MAP7: variants seen among roughly 807,000 people sequenced by gnomAD.
MAP7 encodes the protein ensconsin.
In MAP7, 52 loss-of-function variants were observed where a neutral mutation model predicts 94.8. That is an observed-to-expected ratio of 0.55 (90% CI 0.44 to 0.69). MAP7 has a LOEUF of 0.69. Among genes scored for constraint, MAP7 ranks in the 30% least tolerant of loss-of-function variants. The pLI is 0.00. For synonymous variants in MAP7, 350 were observed against 357.0 expected, an observed-to-expected ratio of 0.98 and a Z score of 0.22; for missense variants, 940 against 964.6, an observed-to-expected ratio of 0.97 and a Z score of 0.34.
chr6:136,508,309 G>C (rs1303274807), intron 1 of MAP7, among the ~76,000 whole-genome samples: 2 of 151,936 alleles, frequency 1.3e-5, no homozygotes, highest in Non-Finnish European at 2.9e-5. Flanking sequence ...CTGGGCAACA[G>C]AGTGAGACAC....
At chr6:136,534,323 T>G (rs1273906503) in intron 1 of MAP7, among the ~76,000 whole-genome samples, 2 of 152,224 alleles carry the variant, frequency 1.3e-5, no homozygotes, top group Non-Finnish European at 2.9e-5. Context: ...AAGGCAGACT[T>G]CCTCCTTCTT....
intron 3 of MAP7, among the ~76,000 whole-genome samples, chr6:136,401,405 G>C (rs942838949): frequency 6.6e-6 from 1 of 152,090 alleles, no homozygotes; most frequent in African/African-American, 2.4e-5. Context: ...TGATAGACTC[G>C]ATTAAGAAAA....
intron 2 of MAP7, 99 bp from the exon 3 acceptor site, chr6:136,411,796 A>G (rs1445319159): frequency 5.3e-6 from 5 of 936,334 alleles, no homozygotes; most frequent in Non-Finnish European, 6.5e-6. Context: ...AAATCTGAAG[A>G]ATAATATATT....
intron 1 of MAP7, among the ~76,000 whole-genome samples, chr6:136,497,552 C>T (rs1293376652): frequency 1.3e-5 from 2 of 150,992 alleles, no homozygotes; most frequent in African/African-American, 4.9e-5. Flanking sequence ...CAGATCCCAG[C>T]ACTTTGGGAG....
intron 1 of MAP7, among the ~76,000 whole-genome samples, chr6:136,542,041 A>G (rs1829366756): frequency 6.6e-6 from 1 of 152,230 alleles, no homozygotes; most frequent in Non-Finnish European, 1.5e-5. Context: ...CCTGGGCAAC[A>G]CAGCGAGACT....
chr6:136,526,662 G>T, intron 1 of MAP7: 2 of 985,534 alleles, frequency 2.0e-6, no homozygotes, highest in Non-Finnish European at 2.4e-6. Flanking sequence ...CAGCAGGATG[G>T]GAGGAGAAAG....
intron 1 of MAP7, among the ~76,000 whole-genome samples, chr6:136,440,585 T>G (rs962841931): frequency 3.3e-5 from 5 of 152,236 alleles, no homozygotes; most frequent in Admixed American, 1.3e-4. Context: ...TTAAAAATGC[T>G]TTTTGTTAAA....
chr6:136,426,364 A>G (rs977996391), intron 1 of MAP7, among the ~76,000 whole-genome samples: 1 of 152,236 alleles, frequency 6.6e-6, no homozygotes, highest in Non-Finnish European at 1.5e-5. Flanking sequence ...CAGTGAGAAT[A>G]CAAAGGTTAT....
rs769993841 is a variant in MAP7, at chr6:136,372,498, C to T, written c.876+3G>A. 1 of 1,613,896 alleles carries T rather than the reference C, an allele frequency of 6.2e-7. No homozygotes were observed. The highest frequency in any genetic ancestry group is 1.1e-5 in the South Asian group (1 of 91,046). On this transcript the variant is annotated splice_donor_region_variant and intron_variant, in intron 8 of 17. Transcript: ENST00000354570. Reference sequence around the variant, plus strand: ...TGCCCAGCTGCTCCCAACAGCTACTCACCGCTGTGCCATGAATGATCCTCC... The same window carrying T: ...TGCCCAGCTGCTCCCAACAGCTACTTACCGCTGTGCCATGAATGATCCTCC...
intron 16 of MAP7, among the ~76,000 whole-genome samples, chr6:136,350,911 A>G (rs1788996302): frequency 6.6e-6 from 1 of 152,206 alleles, no homozygotes; most frequent in African/African-American, 2.4e-5. Flanking sequence ...CCTTCTCTAG[A>G]TGGAAGAGTT....
chr6:136,464,681 C>A (rs1035568556), intron 1 of MAP7, among the ~76,000 whole-genome samples: 1 of 152,140 alleles, frequency 6.6e-6, no homozygotes, highest in Admixed American at 6.5e-5. Context: ...AAAACCATAT[C>A]TTTTTGGTCA....
chr6:136,417,671 T>C (rs1469596427), intron 2 of MAP7, among the ~76,000 whole-genome samples: 1 of 152,136 alleles, frequency 6.6e-6, no homozygotes, highest in East Asian at 1.9e-4. Context: ...ATATGACTAA[T>C]GAAGACAGCA....
At chr6:136,400,356 C>T (rs1314784639) in intron 3 of MAP7, among the ~76,000 whole-genome samples, 2 of 149,400 alleles carry the variant, frequency 1.3e-5, no homozygotes, top group Non-Finnish European at 3.0e-5. Flanking sequence ...GCGGAGGTTG[C>T]AGTGAGCCAA....
At chr6:136,435,252 G>A (rs1181226797) in intron 1 of MAP7, among the ~76,000 whole-genome samples, 2 of 152,218 alleles carry the variant, frequency 1.3e-5, no homozygotes, top group African/African-American at 4.8e-5. Flanking sequence ...CAATTACTGA[G>A]TGGAGGTTGG....
At chr6:136,383,626 A>AT (rs773378402) in intron 6 of MAP7, 45 bp downstream of exon 6, 1 of 1,049,790 alleles carries the variant, frequency 9.5e-7, no homozygotes, top group South Asian at 1.6e-5. Context: ...AAAAAAAAGC[A>AT]TTAAGTAAAT....
In MAP7 at chr6:136,503,660, C is replaced by G. The variant is rs779899980; in HGVS notation, c.67+46682G>C. Among the ~76,000 whole-genome samples the G allele has an allele frequency of 2.0e-5, 3 of 152,166 alleles. No individual in the cohort carries two copies. The South Asian group carries it at 6.2e-4, about 32-fold the overall frequency. ...TGTCCTTTCCATTATTTAAAAAAATCTACATTAACCAATGTTTAATTTTGC... is the reference window on the plus strand; with the variant it reads ...TGTCCTTTCCATTATTTAAAAAAATGTACATTAACCAATGTTTAATTTTGC... On this transcript the variant is annotated intron_variant, in intron 1 of 17. Transcript: ENST00000354570.
chr6:136,411,744 A>C, intron 2 of MAP7, 47 bp from the exon 3 acceptor site: 1 of 1,426,790 alleles, frequency 7.0e-7, no homozygotes. Context: ...TGGATTAAAA[A>C]AAAAAAGAAA....
chr6:136,487,410 T>C (rs1486937426), intron 1 of MAP7, among the ~76,000 whole-genome samples: 1 of 152,208 alleles, frequency 6.6e-6, no homozygotes, highest in Non-Finnish European at 1.5e-5. Flanking sequence ...TTAAATTTTT[T>C]TACTTTCTAA....
At chr6:136,445,329 C>T (rs1265468428) in intron 1 of MAP7, among the ~76,000 whole-genome samples, 1 of 152,144 alleles carries the variant, frequency 6.6e-6, no homozygotes, top group Non-Finnish European at 1.5e-5. Flanking sequence ...CCCTTATCTT[C>T]CACTAGCTTT....
Sources: allele counts gnomAD v4.1 joint callset (sites outside exome capture counted in the v4.1 genomes callset), GRCh38; gene constraint gnomAD v4.1.1; transcripts MANE v1.5; gene names NCBI Gene and HGNC (gene_info 2026-07-23, HGNC 2026-07-21).